Variants in MYH14 observed in about 807,000 individuals in gnomAD.
The protein encoded by MYH14 is myosin heavy chain 14.
A neutral mutation model predicts 255.5 loss-of-function variants in MYH14; 123 were observed. That is an observed-to-expected ratio of 0.48 (90% CI 0.42 to 0.56). MYH14 has a LOEUF of 0.56. MYH14 is among the 20% of genes least tolerant of loss of function. The pLI is 0.00. For missense variants in MYH14, 2,423 were observed against 2,802.3 expected (o/e 0.86, Z 3.06); for synonymous variants, 1,095 against 1,161.2 (o/e 0.94, Z 1.16).
At chr19:50,279,818 A>G (rs940313529) in intron 30 of MYH14, among the ~76,000 whole-genome samples, 1 of 152,208 alleles carries the variant, frequency 6.6e-6, no homozygotes, top group African/African-American at 2.4e-5. Flanking sequence ...GAGTTTCTGC[A>G]TAGACCTATG....
At chr19:50,219,410 C>T (rs1015631837) in intron 3 of MYH14, among the ~76,000 whole-genome samples, 4 of 151,614 alleles carry the variant, frequency 2.6e-5, no homozygotes, top group African/African-American at 7.3e-5. Flanking sequence ...GGTGTGGATA[C>T]GGTGAAATGG....
chr19:50,255,903 G>T (rs1293331731), intron 17 of MYH14, among the ~76,000 whole-genome samples: 2 of 150,514 alleles, frequency 1.3e-5, no homozygotes, highest in African/African-American at 4.9e-5. Context: ...ACGGTTGATG[G>T]CGCTTGAATG....
At chr19:50,260,887 A>C (rs927057281) in intron 20 of MYH14, among the ~76,000 whole-genome samples, 172 bp downstream of exon 20, 1 of 146,224 alleles carries the variant, frequency 6.8e-6, no homozygotes, top group Middle Eastern at 3.2e-3. Context: ...GTGTGTGTGC[A>C]TGTGTGTGTG....
At chr19:50,272,416 G>A in intron 26 of MYH14, 144 bp from the exon 27 acceptor site, 1 of 856,554 alleles carries the variant, frequency 1.2e-6, no homozygotes, top group Non-Finnish European at 1.9e-6. Flanking sequence ...CCCTGAGATA[G>A]ATGGGGAAGG....
chr19:50,275,966 A>G, intron 27 of MYH14, 25 bp from the exon 28 acceptor site: 1 of 1,594,512 alleles, frequency 6.3e-7, no homozygotes, highest in Non-Finnish European at 8.6e-7. Context: ...CCCTGTATCA[A>G]CTCCACGGTT....
Position 50,259,819 on chromosome 19 carries a change from A to T in MYH14, c.2354+554A>T, listed in dbSNP as rs544550000. ...CTTGAACCGGGAAGGGGGAGGTTGC[A>T]GTGAGCCGAGATTGCGCCATTGCAC... is the stretch of plus-strand genomic sequence containing the variant. On this transcript the variant is annotated intron_variant, in intron 19 of 42. Transcript: ENST00000642316. 2.0e-5 allele frequency among the ~76,000 whole-genome samples: 3 copies of T among 152,312 alleles called. No homozygotes were observed. The East Asian group carries it at 5.8e-4, about 29-fold the overall frequency.
chr19:50,224,040 C>CG, intron 5 of MYH14, 114 bp from the exon 6 acceptor site: 1 of 534,762 alleles, frequency 1.9e-6, no homozygotes, highest in African/African-American at 2.2e-5. Context: ...TTTCCCCAGT[C>CG]CCCCTTCCCC....
At position 50,210,407 on chromosome 19, in the gene MYH14, C is replaced by A; in HGVS notation, c.42C>A (p.Pro14=). Residue 14 remains proline, a synonymous_variant, in exon 2 of 43, where the codon CCC becomes CCA. Coordinates refer to ENST00000642316, the MANE Select transcript of MYH14 (RefSeq NM_001145809.2). ...TGTCGGTGCCCGGGCGGAAGGCGCC[C>A]CCCAGGCCGGGCCCAGTGCCCGAGG... ...VTMSVPGRKA[P]PRPGPVPEAA... 2 of 1,574,138 alleles carry A rather than the reference C, an allele frequency of 1.3e-6. No homozygotes were observed. Among genetic ancestry groups the A allele is most frequent in the South Asian group, 2.3e-5 (2 of 86,154 alleles).
chr19:50,241,179 G>A (rs1393512637), intron 10 of MYH14, among the ~76,000 whole-genome samples: 2 of 152,188 alleles, frequency 1.3e-5, no homozygotes, highest in East Asian at 1.9e-4. Context: ...ACTCATGCCT[G>A]TAATCCCAGC....
intron 22 of MYH14, among the ~76,000 whole-genome samples, chr19:50,265,358 A>C (rs372359243): frequency 1.0e-3 from 154 of 151,930 alleles, no homozygotes; most frequent in Middle Eastern, 3.4e-3. Context: ...ACAAAAAAAA[A>C]AAAAACAAAA....
chr19:50,280,560 C>G lies in MYH14; in HGVS notation c.4290+177C>G, dbSNP rs2035683726. Among the ~76,000 whole-genome samples the G allele has an allele frequency of 6.6e-6, 1 of 152,174 alleles. No individual in the cohort carries two copies. The highest frequency in any genetic ancestry group is 2.4e-5 in the African/African-American group (1 of 41,444). On this transcript the variant is annotated intron_variant, in intron 32 of 42. Transcript: ENST00000642316. The surrounding 1 kb of genome is among the most constrained non-coding windows in gnomAD (Gnocchi z 4.8). ...CAGCCCATGCCCAGCCCTGGCTGTC[C>G]TGACCCCTGACTCTCAGCCTCATCC...
intron 34 of MYH14, among the ~76,000 whole-genome samples, chr19:50,288,017 T>C (rs190442281): frequency 6.0e-4 from 92 of 152,288 alleles, no homozygotes; most frequent in South Asian, 4.6e-3. Context: ...CTCCAGGGCC[T>C]GTAGGGTGGT....
Position 50,271,553 on chromosome 19 carries a change from G to C in MYH14, c.3171+7G>C. ...GAATTCCAAGCTGAGCAAGGTTGGG[G>C]GCCTGAGGGCAGCTGGGAAAGTGGG... is the stretch of plus-strand genomic sequence containing the variant. On this transcript the variant is annotated splice_region_variant and intron_variant, in intron 25 of 42. Coordinates refer to ENST00000642316, the MANE Select transcript of MYH14 (RefSeq NM_001145809.2). The C allele has an allele frequency of 6.2e-7, 1 of 1,602,620 alleles. No individual in the cohort carries two copies. The highest frequency in any genetic ancestry group is 8.5e-7 in the Non-Finnish European group (1 of 1,174,754).
intron 22 of MYH14, among the ~76,000 whole-genome samples, chr19:50,264,388 T>C (rs1358772314): frequency 6.6e-6 from 1 of 152,052 alleles, no homozygotes; most frequent in Non-Finnish European, 1.5e-5. Context: ...ACAGATCCCA[T>C]CGTTAGCATA....
At chr19:50,277,297 G>A (rs968545112) in intron 29 of MYH14, among the ~76,000 whole-genome samples, 3 of 152,282 alleles carry the variant, frequency 2.0e-5, no homozygotes, top group Admixed American at 6.5e-5. Context: ...GGTATTCTGC[G>A]AGAAGGTGAC....
chr19:50,206,813 A>G (rs2031782383), intron 1 of MYH14, among the ~76,000 whole-genome samples: 1 of 152,012 alleles, frequency 6.6e-6, no homozygotes. Flanking sequence ...GCAGTTGCAT[A>G]TAGGTCTATC....
In MYH14 at chr19:50,310,010, T is replaced by C; in HGVS notation, c.*220T>C. ...GCGGGGCAGGCAGGGAGGCAATGAC[T>C]GGAGCTACCTTGCTTGTTGGGGGAC... On this transcript the variant is annotated 3_prime_UTR_variant, in exon 43 of 43. Transcript: ENST00000642316. 1.6e-6 allele frequency: 1 copy of C among 636,030 alleles called. No homozygotes were observed. Among genetic ancestry groups the C allele is most frequent in the South Asian group, 1.8e-5 (1 of 54,982 alleles). The allele number at this position is 636,030 out of a possible 1,614,324, so 39.4% of individuals were successfully genotyped here. A position where few individuals can be genotyped will look rare whatever the true frequency, so the allele number is the denominator to read the frequency against.
chr19:50,279,415 G>A (rs1476259621), intron 30 of MYH14, among the ~76,000 whole-genome samples: 2 of 152,168 alleles, frequency 1.3e-5, no homozygotes, highest in East Asian at 3.8e-4. Context: ...TGGGTCACCT[G>A]AGGTCAGGAG....
At chr19:50,275,274 G>A (rs2035462156) in intron 27 of MYH14, among the ~76,000 whole-genome samples, 1 of 152,120 alleles carries the variant, frequency 6.6e-6, no homozygotes, top group African/African-American at 2.4e-5. Flanking sequence ...GCTTCTCTTT[G>A]CAATGACGCT....
Sources: gnomAD v4.1 joint callset for allele counts (sites outside exome capture counted in the v4.1 genomes callset) on GRCh38, gnomAD v4.1.1 for gene constraint, Gnocchi (gnomAD v3.1) non-coding constraint, MANE v1.5 for transcripts, NCBI Gene and HGNC (gene_info 2026-07-23, HGNC 2026-07-21) for gene names.